Variants in USP24 observed in about 807,000 individuals in gnomAD.
The protein encoded by USP24 is ubiquitin carboxyl-terminal hydrolase 24.
A neutral mutation model predicts 361.6 loss-of-function variants in USP24; 97 were observed. The observed-to-expected ratio is 0.27, with a 90% CI of 0.23 to 0.32. The LOEUF (loss-of-function observed/expected upper bound fraction) is 0.32. Ranked by LOEUF, USP24 falls within the 10% of genes least tolerant of loss-of-function variation. USP24 has a pLI of 1.00. For synonymous variants in USP24, 1,098 were observed against 1,124.6 expected (o/e 0.98, Z 0.47); for missense variants, 2,353 against 3,165.6 (o/e 0.74, Z 6.16).
At chr1:55,108,320 G>C (rs1343038493) in intron 39 of USP24, among the ~76,000 whole-genome samples, 1 of 152,172 alleles carries the variant, frequency 6.6e-6, no homozygotes, top group East Asian at 1.9e-4. Flanking sequence ...ATTGGAAGTT[G>C]AGACTTGGGA....
rs1320313663 is a variant in USP24, at chr1:55,095,314, T to G, written c.6144A>C (p.Pro2048=). ...FYQRVSDQNS[P]VLPKKSRVSV... ...TGACTCGACTTTTCTTTGGTAATAC[T>G]GGGGAGTTCTGATCAGACACCCTTT... Residue 2048 remains proline (P), a synonymous_variant, in exon 51 of 68, where the codon CCA becomes CCC. Coordinates refer to ENST00000294383, the MANE Select transcript of USP24 (RefSeq NM_015306.3). The G allele has an allele frequency of 6.2e-7, 1 of 1,613,698 alleles. No individual in the cohort carries two copies. Among genetic ancestry groups the G allele is most frequent in the South Asian group, 1.1e-5 (1 of 90,956 alleles).
intron 1 of USP24, among the ~76,000 whole-genome samples, chr1:55,196,828 C>T (rs1250108310): frequency 1.3e-5 from 2 of 152,210 alleles, no homozygotes; most frequent in African/African-American, 4.8e-5. Flanking sequence ...GGGGAGCTGA[C>T]CTCTGCCCGT....
intron 2 of USP24, 63 bp from the exon 3 acceptor site, chr1:55,176,506 A>G: frequency 7.0e-7 from 1 of 1,422,666 alleles, no homozygotes; most frequent in Non-Finnish European, 9.7e-7. Context: ...CCTTAGTAAA[A>G]TGAATGAAAT....
At position 55,078,581 on chromosome 1, in the gene USP24, A is replaced by C. The variant is rs760246226; in HGVS notation, c.7271T>G (p.Phe2424Cys). ...ALIEMVVYCC[F>C]CNEHFSFTML... ...TGTGAAGGAAAAATGCTCATTACAGAAACAGCAGTACACTACCATCTCAAT... is the reference window on the plus strand; with the variant it reads ...TGTGAAGGAAAAATGCTCATTACAGCAACAGCAGTACACTACCATCTCAAT... Residue 2424 changes from phenylalanine to cysteine, a missense_variant, in exon 61 of 68, where the codon TTC (phenylalanine) becomes TGC (cysteine). Physicochemically the swap from Phe to Cys is radical, Grantham distance 205. Coordinates refer to ENST00000294383, the MANE Select transcript of USP24 (RefSeq NM_015306.3). 6.2e-7 allele frequency: 1 copy of C among 1,612,310 alleles called. No homozygotes were observed. The highest frequency in any genetic ancestry group is 8.5e-7 in the Non-Finnish European group (1 of 1,179,426).
Position 55,157,392 on chromosome 1 carries a change from G to T in USP24, c.1228-22C>A. 3.0e-6 allele frequency: 4 copies of T among 1,334,058 alleles called. No homozygotes were observed. The South Asian group carries it at 4.0e-5, about 13-fold the overall frequency. 82.6% of individuals were successfully genotyped at this position (1,334,058 alleles called of 1,614,324 possible). Reference sequence around the variant, plus strand: ...TTACCTAAAAAGATAAGATTATTGTGACTGAGTCTAATATACATTATCAAA... The same window carrying T: ...TTACCTAAAAAGATAAGATTATTGTTACTGAGTCTAATATACATTATCAAA... On this transcript the variant is annotated intron_variant, in intron 10 of 67. Coordinates refer to ENST00000294383, the MANE Select transcript of USP24 (RefSeq NM_015306.3).
chr1:55,112,644 A>AT (rs1645987408), intron 38 of USP24, among the ~76,000 whole-genome samples: 1 of 151,770 alleles, frequency 6.6e-6, no homozygotes, highest in Non-Finnish European at 1.5e-5. Flanking sequence ...AGAGATTGTT[A>AT]TGACTTCCAT....
At chr1:55,181,671 T>C (rs1405800294) in intron 1 of USP24, among the ~76,000 whole-genome samples, 1 of 152,186 alleles carries the variant, frequency 6.6e-6, no homozygotes, top group African/African-American at 2.4e-5. Context: ...AGTTAATATA[T>C]CAAATCATAC....
chr1:55,120,905 G>T, intron 37 of USP24, 149 bp from the exon 38 acceptor site: 1 of 1,094,020 alleles, frequency 9.1e-7, no homozygotes, highest in Non-Finnish European at 1.2e-6. Flanking sequence ...GATTTTAATG[G>T]TAAGGTTTTA....
chr1:55,197,962 T>G (rs926351466), intron 1 of USP24, among the ~76,000 whole-genome samples: 1 of 152,150 alleles, frequency 6.6e-6, no homozygotes, highest in Non-Finnish European at 1.5e-5. Flanking sequence ...AGGGTTTCTG[T>G]GAGTACCAAA....
rs185180972 is a variant in USP24 at position 55,132,353 on chromosome 1, G to C, written c.3537+192C>G. Among the ~76,000 whole-genome samples the C allele has an allele frequency of 9.9e-5, 15 of 152,268 alleles. No homozygotes were observed. The East Asian group carries it at 2.9e-3, about 29-fold the overall frequency. On this transcript the variant is annotated intron_variant, in intron 31 of 67. Transcript: ENST00000294383. ...GTTATAGCAGCCCAAATGGGCTAAG[G>C]TAGTAATAAAAATATCTTTTGCATA...
At chr1:55,177,823 T>C (rs966578461) in intron 2 of USP24, 144 bp downstream of exon 2, 6 of 726,924 alleles carry the variant, frequency 8.3e-6, no homozygotes, top group Non-Finnish European at 1.1e-5. Context: ...GTTCAAAGCT[T>C]TTCTTCTGCA....
chr1:55,092,904 C>A lies in USP24; in HGVS notation c.6367G>T (p.Glu2123Ter). 1 of 1,557,222 alleles carries A rather than the reference C, an allele frequency of 6.4e-7. No homozygotes were observed. Among genetic ancestry groups the A allele is most frequent in the South Asian group, 1.2e-5 (1 of 80,842 alleles). ...CTATTCTTCATAAACTTGAGGTTCT[C>A]ATCTCTCACCATCTACAAAAGAAGA... ...PARIYQMVRD[E>*]NLKFMKNRDV... Residue 2123 changes from glutamate to a stop codon, truncating the protein, a stop_gained, in exon 53 of 68, where the codon GAG becomes TAG. Coordinates refer to ENST00000294383, the MANE Select transcript of USP24 (RefSeq NM_015306.3). LOFTEE classifies it high-confidence loss of function.
chr1:55,199,622 T>TGTGAGAGA (rs1553172673), intron 1 of USP24, among the ~76,000 whole-genome samples: 43 of 111,548 alleles, frequency 3.9e-4, no homozygotes, highest in South Asian at 2.1e-3. Flanking sequence ...TGTGTGTGTG[T>TGTGAGAGA]GAGAGAGAGA....
rs947756437 is a variant in USP24, at chr1:55,145,989, T to G, written c.2362+9A>C. On this transcript the variant is annotated intron_variant, in intron 20 of 67. Transcript: ENST00000294383. ...GTACTGAAAAAAATGATTTTAAGTT[T>G]TTTCCTACCATTCATAGTGATTTCA... The G allele has an allele frequency of 2.5e-6, 4 of 1,589,358 alleles. No homozygotes were observed. Among genetic ancestry groups the G allele is most frequent in the Non-Finnish European group, 3.4e-6 (4 of 1,160,870 alleles).
chr1:55,176,799 T>C (rs1397847666), intron 2 of USP24, among the ~76,000 whole-genome samples: 1 of 152,194 alleles, frequency 6.6e-6, no homozygotes, highest in Non-Finnish European at 1.5e-5. Flanking sequence ...CTAGCCATTA[T>C]TATTTCCCTA....
Position 55,178,076 on chromosome 1 carries a change from A to C in USP24, c.381T>G (p.Asn127Lys). 6.4e-7 allele frequency: 1 copy of C among 1,551,568 alleles called. No homozygotes were observed. The highest frequency in any genetic ancestry group is 2.4e-5 in the East Asian group (1 of 40,906). ...SGEGIEFPTTNLYELESRVLT... is the reference protein window; with the variant it reads ...SGEGIEFPTTKLYELESRVLT... ...AAACACGGCTTTCCAGTTCATATAA[A>C]TTTGTTGTAGGGAATTCAATTCCTT... is the stretch of plus-strand genomic sequence containing the variant. The change falls in exon 2 of 68, where the codon AAT becomes AAG. Residue 127 changes from asparagine to lysine, a missense_variant. Asn to Lys is a moderately conservative substitution (Grantham distance 94). This residue lies in a region of USP24 where 253 missense variants were observed against 255.3 expected (regional missense o/e 0.99). Coordinates refer to ENST00000294383, the MANE Select transcript of USP24 (RefSeq NM_015306.3).
chr1:55,158,730 T>C (rs1045441425), intron 10 of USP24, 148 bp downstream of exon 10: 9 of 690,632 alleles, frequency 1.3e-5, no homozygotes, highest in Admixed American at 8.7e-5. Flanking sequence ...AACAATTATA[T>C]ACAACATTTT....
chr1:55,134,250 A>C (rs1387793726), intron 29 of USP24, 78 bp downstream of exon 29: 2 of 1,560,906 alleles, frequency 1.3e-6, no homozygotes, highest in Admixed American at 1.8e-5. Flanking sequence ...AATAAAATGC[A>C]TTTCAAGTGA....
chr1:55,083,199 T>C, intron 58 of USP24, 73 bp downstream of exon 58: 1 of 1,441,480 alleles, frequency 6.9e-7, no homozygotes, highest in Admixed American at 1.9e-5. Flanking sequence ...AAAACATTTA[T>C]CACCTACAAA....
Sources: allele counts gnomAD v4.1 joint callset (sites outside exome capture counted in the v4.1 genomes callset), GRCh38; gene constraint gnomAD v4.1.1; regional missense constraint gnomAD v4.1.1; transcripts MANE v1.5; gene names NCBI Gene and HGNC (gene_info 2026-07-23, HGNC 2026-07-21).